The following TIPARP variants were observed in gnomAD, a reference collection of about 807,000 sequenced individuals.
TIPARP encodes protein mono-ADP-ribosyltransferase TIPARP.
Under a neutral mutation model 56.5 loss-of-function variants are expected in TIPARP, and 12 were observed. The observed-to-expected ratio is 0.21, with a 90% CI of 0.14 to 0.34. The LOEUF (loss-of-function observed/expected upper bound fraction) is 0.34. Among genes scored for constraint, TIPARP ranks in the 10% least tolerant of loss-of-function variants. The pLI is 1.00. For synonymous variants in TIPARP, 296 were observed against 265.7 expected, an observed-to-expected ratio of 1.11 and a Z score of -1.11; for missense variants, 604 against 781.6, an observed-to-expected ratio of 0.77 and a Z score of 2.71.
intron 2 of TIPARP, among the ~76,000 whole-genome samples, chr3:156,683,286 C>CAAA (rs1722349710): frequency 2.0e-5 from 3 of 152,062 alleles, no homozygotes; most frequent in Non-Finnish European, 4.4e-5. Flanking sequence ...AAAGCTCTTA[C>CAAA]TTTTTATTGT....
In TIPARP at chr3:156,678,402, C is replaced by G. The variant is rs1722206061; in HGVS notation, c.705C>G (p.His235Gln). The part of the protein sequence containing the change: ...ELVNQLQYHT[H>Q]QENGIEICMD... ...TGAACCAGTTGCAGTACCACACTCA[C>G]CAAGAGAACGGAATTGAAATTTGCA... is the stretch of plus-strand genomic sequence containing the variant. Residue 235 changes from histidine (H) to glutamine (Q), a missense_variant, in exon 2 of 6, where the codon CAC becomes CAG. Transcript: ENST00000295924. 1.2e-6 allele frequency: 2 copies of G among 1,614,100 alleles called. No homozygotes were observed. The highest frequency in any genetic ancestry group is 1.1e-5 in the South Asian group (1 of 91,092).
intron 2 of TIPARP, among the ~76,000 whole-genome samples, chr3:156,689,759 T>C (rs1358333162): frequency 6.6e-6 from 1 of 152,230 alleles, no homozygotes; most frequent in East Asian, 1.9e-4. Context: ...TATTCTTGTG[T>C]GCCTTGTTTG....
intron 2 of TIPARP, among the ~76,000 whole-genome samples, chr3:156,683,526 CCATT>C (rs1376622118): frequency 2.0e-5 from 3 of 152,024 alleles, no homozygotes; most frequent in Non-Finnish European, 4.4e-5. Context: ...AGTAGTAACT[CCATT>C]CAGCATTTAA....
rs1722992765 is a variant in TIPARP, at chr3:156,706,740, C to CA, written c.*1614dup. 1 of 152,390 alleles carries CA rather than the reference C, an allele frequency of 6.6e-6. No individual in the cohort carries two copies. Among genetic ancestry groups the CA allele is most frequent in the Non-Finnish European group, 1.5e-5 (1 of 68,006 alleles). The allele number at this position is 152,390 out of a possible 1,614,324, so 9.4% of individuals were successfully genotyped here. A position where few individuals can be genotyped will look rare whatever the true frequency, so the allele number is the denominator to read the frequency against. On this transcript the variant is annotated 3_prime_UTR_variant, in exon 6 of 6. Transcript: ENST00000295924. ...TATTTATTTTTTTAATAAAACTAAG[C>CA]AAAAATAAAACTTATGGTAATTCTT...
At position 156,694,157 on chromosome 3, in the gene TIPARP, G is replaced by C; in HGVS notation, c.1055G>C (p.Arg352Thr). The change falls in exon 3 of 6, where the codon AGG (arginine) becomes ACG (threonine). Residue 352 changes from arginine to threonine, a missense_variant. Physicochemically the swap from Arg to Thr is moderately conservative, Grantham distance 71. Transcript: ENST00000295924. ...CACACAGTCTGGAAATTCTTCTGTA[G>C]GGACCACTTTGGATGGAGAGAGTAT... ...IYHTVWKFFC[R>T]DHFGWREYPE... is the part of the protein sequence containing the mutation. 2 of 1,610,760 alleles carry C rather than the reference G, an allele frequency of 1.2e-6. No homozygotes were observed. The highest frequency in any genetic ancestry group is 8.5e-7 in the Non-Finnish European group (1 of 1,178,804).
At chr3:156,697,357 GT>G (rs557802937) in intron 4 of TIPARP, among the ~76,000 whole-genome samples, 1 of 150,698 alleles carries the variant, frequency 6.6e-6, no homozygotes, top group Non-Finnish European at 1.5e-5. Context: ...TTGTTGGAAA[GT>G]TTCGGTGAAT....
chr3:156,700,536 C>T (rs539021712), intron 4 of TIPARP, among the ~76,000 whole-genome samples: 1 of 152,140 alleles, frequency 6.6e-6, no homozygotes, highest in African/African-American at 2.4e-5. Context: ...AATGAATTTT[C>T]TACAAATTCA....
intron 2 of TIPARP, among the ~76,000 whole-genome samples, chr3:156,690,057 A>G (rs1178238449): frequency 6.6e-6 from 1 of 151,848 alleles, no homozygotes; most frequent in East Asian, 1.9e-4. Context: ...TAATGTGTCT[A>G]CTTTAAATTA....
chr3:156,675,502 G>C (rs1250291643), intron 1 of TIPARP: 1 of 152,608 alleles, frequency 6.6e-6, no homozygotes, highest in Admixed American at 6.5e-5. Flanking sequence ...GACAGGAGTT[G>C]GGGGGCGCCC....
At position 156,678,514 on chromosome 3, in the gene TIPARP, A is replaced by G. The variant is rs1489734415; in HGVS notation, c.817A>G (p.Thr273Ala). The change falls in exon 2 of 6, where the codon ACA becomes GCA. Residue 273 changes from threonine to alanine, a missense_variant. Transcript: ENST00000295924. Reference protein sequence around the residue: ...VLPYHWQIKRTTTQKWQSVFN... With the variant: ...VLPYHWQIKRATTQKWQSVFN... ...GCCATATCATTGGCAGATCAAAAGG[A>G]CAACTACTCAAAAGTGGCAGAGTGT... is the stretch of plus-strand genomic sequence containing the variant. 2 of 1,614,134 alleles carry G rather than the reference A, an allele frequency of 1.2e-6. No homozygotes were observed. Among genetic ancestry groups the G allele is most frequent in the South Asian group, 2.2e-5 (2 of 91,090 alleles).
intron 2 of TIPARP, 28 bp from the exon 3 acceptor site, chr3:156,693,992 G>A: frequency 6.4e-7 from 1 of 1,562,556 alleles, no homozygotes; most frequent in Non-Finnish European, 8.6e-7. Flanking sequence ...CAGGTTTTTG[G>A]GTTTTTTTTG....
At chr3:156,689,019 T>C (rs922362606) in intron 2 of TIPARP, among the ~76,000 whole-genome samples, 3 of 152,180 alleles carry the variant, frequency 2.0e-5, no homozygotes, top group African/African-American at 7.2e-5. Context: ...TAGTTTGAGG[T>C]CACAGGCTTA....
Position 156,704,992 on chromosome 3 carries a change from G to T in TIPARP, c.1835G>T (p.Gly612Val), listed in dbSNP as rs1229894784. The change falls in exon 6 of 6, where the codon GGC becomes GTC. Residue 612 changes from glycine (G) to valine (V), a missense_variant. Physicochemically the swap from Gly to Val is moderately radical, Grantham distance 109 (BLOSUM62 -3). Around this residue, in one of 4 missense-constraint regions of TIPARP, gnomAD observed 77 missense variants for 161.0 expected, o/e 0.48. Coordinates refer to ENST00000295924, the MANE Select transcript of TIPARP (RefSeq NM_015508.5). ...AGAAGGCCCCCGCCAGTCAATCCTG[G>T]CAGTGTCACCAGTGACCTTTATGAC... ...GMRRPPPVNP[G>V]SVTSDLYDSC... The T allele has an allele frequency of 1.9e-6, 3 of 1,614,106 alleles. No individual in the cohort carries two copies. Among genetic ancestry groups the T allele is most frequent in the Non-Finnish European group, 2.5e-6 (3 of 1,180,058 alleles).
intron 4 of TIPARP, among the ~76,000 whole-genome samples, chr3:156,696,638 CA>C (rs1379627993): frequency 6.6e-6 from 1 of 152,132 alleles, no homozygotes; most frequent in Admixed American, 6.6e-5. Flanking sequence ...TCCATTTTGC[CA>C]AGAGTTGTTT....
intron 4 of TIPARP, among the ~76,000 whole-genome samples, chr3:156,702,367 A>G (rs1393659584): frequency 1.3e-5 from 2 of 152,190 alleles, no homozygotes; most frequent in East Asian, 3.8e-4. Flanking sequence ...TTATTGTGAC[A>G]ATTAGTGATA....
chr3:156,704,235 C>T (rs1047885590), intron 5 of TIPARP, among the ~76,000 whole-genome samples: 1 of 152,080 alleles, frequency 6.6e-6, no homozygotes, highest in Non-Finnish European at 1.5e-5. Context: ...GCAGGTCATG[C>T]GGCTATTATG....
intron 1 of TIPARP, chr3:156,676,656 T>C (rs1215003258): frequency 1.3e-5 from 2 of 152,220 alleles, no homozygotes; most frequent in East Asian, 3.8e-4. Flanking sequence ...AGAGGATTAA[T>C]TGCTCATCAC....
chr3:156,681,683 A>G (rs1321078355), intron 2 of TIPARP, among the ~76,000 whole-genome samples: 3 of 152,222 alleles, frequency 2.0e-5, no homozygotes. Flanking sequence ...CTAAAAGCAC[A>G]TTAAAAAAGG....
chr3:156,677,734 G>GT lies in TIPARP; in HGVS notation c.38dup (p.Val14SerfsTer8). The GT allele has an allele frequency of 6.2e-7, 1 of 1,612,172 alleles. No homozygotes were observed. The highest frequency in any genetic ancestry group is 8.5e-7 in the Non-Finnish European group (1 of 1,179,294). The stretch of plus-strand genomic sequence containing the variant: ...AACCACCGAACCTGAGCCAGACTGT[G>GT]TAGTGCAGCCTCCCTCTCCTCCTGA... On this transcript the variant is annotated frameshift_variant, in exon 2 of 6. Coordinates refer to ENST00000295924, the MANE Select transcript of TIPARP (RefSeq NM_015508.5). LOFTEE classifies it high-confidence loss of function.
Sources: gnomAD v4.1 joint callset for allele counts (sites outside exome capture counted in the v4.1 genomes callset) on GRCh38, gnomAD v4.1.1 for gene constraint, gnomAD v4.1.1 regional missense constraint, MANE v1.5 for transcripts, NCBI Gene and HGNC (gene_info 2026-07-23, HGNC 2026-07-21) for gene names.